The following DMD variants were observed in gnomAD, a reference collection of about 807,000 sequenced individuals.
DMD encodes mutant dystrophin.
DMD carries 63 observed loss-of-function variants against 330.1 expected under a neutral mutation model. The ratio of observed to expected loss-of-function variants is 0.19; its 90% CI spans 0.16 to 0.24. DMD has a LOEUF of 0.24. Among genes scored for constraint, DMD ranks in the 10% least tolerant of loss-of-function variants. The pLI is 1.00. For missense variants in DMD, 3,344 were observed against 2,684.1 expected, an observed-to-expected ratio of 1.25 and a Z score of -5.43; for synonymous variants, 1,223 against 959.8, an observed-to-expected ratio of 1.27 and a Z score of -5.07.
At chrX:32,399,997 G>A (rs1359300641) in intron 30 of DMD, among the ~76,000 whole-genome samples, 1 of 111,314 alleles carries the variant, frequency 9.0e-6, no homozygotes, top group Non-Finnish European at 1.9e-5. Flanking sequence ...ACACTATGTT[G>A]AATAGGAGTG....
At chrX:32,192,299 T>A (rs749006230) in intron 44 of DMD, among the ~76,000 whole-genome samples, 1 of 111,512 alleles carries the variant, frequency 9.0e-6, no homozygotes, top group East Asian at 2.8e-4. Flanking sequence ...GCCATAAAGA[T>A]CCAGAAATGA....
At chrX:32,028,770 C>A (rs1262262365) in intron 44 of DMD, among the ~76,000 whole-genome samples, 1 of 111,130 alleles carries the variant, frequency 9.0e-6, no homozygotes, top group Non-Finnish European at 1.9e-5. Flanking sequence ...TAATGAGATC[C>A]CAATGCGGCA....
intron 2 of DMD, among the ~76,000 whole-genome samples, chrX:32,887,378 A>C (rs2149239819): frequency 9.1e-6 from 1 of 109,679 alleles, no homozygotes; most frequent in East Asian, 2.9e-4. Context: ...AGAAAATTGG[A>C]CCCTTATCTG....
In DMD at chrX:31,659,637, C is replaced by CG. The variant is rs200053280; in HGVS notation, c.7873-1494dup. On this transcript the variant is annotated intron_variant, in intron 53 of 78. Transcript: ENST00000357033. ...TGGGCGACAGAGTGAGACTCCATCT[C>CG]GGAAAAAAAAAAAAAAAAAAAAAAA... Among the ~76,000 whole-genome samples, 96 of 40,770 alleles carry CG rather than the reference C, an allele frequency of 2.4e-3. 5 individuals carry two copies. Among genetic ancestry groups the CG allele is most frequent in the East Asian group, 5.3e-3 (6 of 1,137 alleles). 35.4% of individuals were successfully genotyped at this position (40,770 alleles called of 115,157 possible).
At chrX:31,790,424 A>G (rs57090725) in intron 50 of DMD, among the ~76,000 whole-genome samples, 13,600 of 111,510 alleles carry the variant, frequency 0.12, 599 homozygotes, top group East Asian at 0.19. Context: ...ATTTTCAAAA[A>G]TGATATTTTG....
intron 1 of DMD, among the ~76,000 whole-genome samples, chrX:33,138,858 T>A (rs2047651295): frequency 9.0e-6 from 1 of 111,450 alleles, no homozygotes; most frequent in African/African-American, 3.3e-5. Flanking sequence ...GTTTCGCATA[T>A]CTGATTGTTC....
At chrX:31,375,028 G>A (rs910029293) in intron 60 of DMD, among the ~76,000 whole-genome samples, 64 of 110,814 alleles carry the variant, frequency 5.8e-4, no homozygotes, top group African/African-American at 2.1e-3. Context: ...CTCCCTCAGG[G>A]AGAGACCTAG....
chrX:32,532,993 T>C (rs756580945), intron 17 of DMD, among the ~76,000 whole-genome samples: 4 of 112,243 alleles, frequency 3.6e-5, no homozygotes, highest in African/African-American at 1.3e-4. Context: ...CATTTATACA[T>C]TGTTTATGGC....
At chrX:32,643,900 T>G (rs2059627065) in intron 11 of DMD, among the ~76,000 whole-genome samples, 1 of 111,932 alleles carries the variant, frequency 8.9e-6, no homozygotes, top group South Asian at 3.7e-4. Flanking sequence ...TGGCAAATCT[T>G]AAAACATAGT....
chrX:31,398,888 C>T (rs185621793), intron 60 of DMD, among the ~76,000 whole-genome samples: 79 of 111,737 alleles, frequency 7.1e-4, no homozygotes, highest in African/African-American at 1.6e-3. Context: ...TCCACTCACT[C>T]GCTGGTCCAC....
chrX:33,145,086 G>A (rs1040610562), intron 1 of DMD, among the ~76,000 whole-genome samples: 5 of 112,048 alleles, frequency 4.5e-5, no homozygotes, highest in Non-Finnish European at 9.4e-5. Flanking sequence ...CCACGAGTGA[G>A]ATACTATACT....
intron 25 of DMD, among the ~76,000 whole-genome samples, chrX:32,459,714 T>G (rs1015972522): frequency 9.0e-6 from 1 of 111,285 alleles, no homozygotes; most frequent in Non-Finnish European, 1.9e-5. Flanking sequence ...TCTTCCCTCA[T>G]TCTTCCTCTA....
intron 2 of DMD, among the ~76,000 whole-genome samples, chrX:32,936,257 A>G (rs1602054257): frequency 9.1e-6 from 1 of 110,252 alleles, no homozygotes; most frequent in East Asian, 2.9e-4. Context: ...GGTTACAGGC[A>G]TGCACCACCA....
At position 33,025,999 on chromosome X, in the gene DMD, C is replaced by G. The variant is rs186855314; in HGVS notation, c.32-5799G>C. 2.0e-3 allele frequency among the ~76,000 whole-genome samples: 224 copies of G among 111,451 alleles called. 2 individuals carry two copies. The highest frequency in any genetic ancestry group is 7.1e-3 in the African/African-American group (218 of 30,696). On this transcript the variant is annotated intron_variant, in intron 1 of 78. Transcript: ENST00000357033. Reference sequence around the variant, plus strand: ...AAGTTGATACCAGTTTAGAAACTCACGTAGTGAAGAAATGCAATGGGATGA... The same window carrying G: ...AAGTTGATACCAGTTTAGAAACTCAGGTAGTGAAGAAATGCAATGGGATGA...
chrX:32,043,245 G>A (rs1273561093), intron 44 of DMD, among the ~76,000 whole-genome samples: 2 of 112,137 alleles, frequency 1.8e-5, no homozygotes, highest in African/African-American at 3.2e-5. Flanking sequence ...AAGAGATGAC[G>A]ACAGGTAATA....
chrX:32,429,787 C>A (rs990656237), intron 29 of DMD, among the ~76,000 whole-genome samples: 9 of 109,715 alleles, frequency 8.2e-5, no homozygotes, highest in Non-Finnish European at 1.7e-4. Context: ...GGCTGTAACT[C>A]CCCTCCATAT....
intron 49 of DMD, among the ~76,000 whole-genome samples, chrX:31,831,854 G>T (rs758187723): frequency 8.9e-6 from 1 of 112,234 alleles, no homozygotes; most frequent in Non-Finnish European, 1.9e-5. Context: ...CGCCCACCTT[G>T]GCCTCCCAAA....
intron 46 of DMD, 132 bp downstream of exon 46, chrX:31,931,948 T>C (rs1346793165): frequency 1.4e-6 from 1 of 728,364 alleles, no homozygotes; most frequent in Admixed American, 2.9e-5. Context: ...AGAAATAAAG[T>C]TGTGAGAAAA....
At chrX:32,420,073 T>C (rs2098183524) in intron 29 of DMD, among the ~76,000 whole-genome samples, 2 of 111,730 alleles carry the variant, frequency 1.8e-5, no homozygotes, top group South Asian at 7.4e-4. Flanking sequence ...AAAATAAGTC[T>C]ACAGGATTCA....
Sources: allele counts gnomAD v4.1 joint callset (sites outside exome capture counted in the v4.1 genomes callset), GRCh38; gene constraint gnomAD v4.1.1; transcripts MANE v1.5; gene names NCBI Gene and HGNC (gene_info 2026-07-23, HGNC 2026-07-21).